The following PUDP variants were observed in gnomAD, a reference collection of about 807,000 sequenced individuals.
The protein encoded by PUDP is pseudouridine 5'-phosphatase, also known as pseudouridine-5'-phosphatase.
A neutral mutation model predicts 9.4 loss-of-function variants in PUDP; 8 were observed. The observed-to-expected ratio is 0.85, with a 90% CI of 0.50 to 1.53. The LOEUF (loss-of-function observed/expected upper bound fraction) is 1.53. PUDP is among the 40% of genes most tolerant of loss of function. The pLI is 0.00. For synonymous variants in PUDP, 99 were observed against 80.7 expected, an observed-to-expected ratio of 1.23 and a Z score of -1.22; for missense variants, 188 against 189.7, an observed-to-expected ratio of 0.99 and a Z score of 0.05.
At chrX:6,860,617 G>A (rs1926986033) in intron 3 of PUDP, among the ~76,000 whole-genome samples, 1 of 110,863 alleles carries the variant, frequency 9.0e-6, no homozygotes, top group South Asian at 3.8e-4. Context: ...GATTACAGGC[G>A]TGTGCCACCA....
At chrX:6,952,817 C>A (rs1207147145) in intron 3 of PUDP, among the ~76,000 whole-genome samples, 1 of 111,864 alleles carries the variant, frequency 8.9e-6, no homozygotes, top group East Asian at 2.8e-4. Context: ...CTTCACCAGA[C>A]ACAGACTCTG....
At chrX:6,896,925 G>T (rs1032183893) in intron 3 of PUDP, among the ~76,000 whole-genome samples, 3 of 111,563 alleles carry the variant, frequency 2.7e-5, no homozygotes, top group Non-Finnish European at 5.6e-5. Flanking sequence ...TCCATTGTTT[G>T]GGAGTTTCTG....
At chrX:6,956,169 C>A (rs1004191930) in intron 3 of PUDP, among the ~76,000 whole-genome samples, 3 of 112,215 alleles carry the variant, frequency 2.7e-5, no homozygotes, top group Admixed American at 9.4e-5. Context: ...CCTGCCTCAG[C>A]CTCCCAAGTA....
chrX:6,846,828 T>A (rs1926756455), intron 3 of PUDP, among the ~76,000 whole-genome samples: 1 of 111,021 alleles, frequency 9.0e-6, no homozygotes, highest in Non-Finnish European at 1.9e-5. Flanking sequence ...GGAAAGGGAG[T>A]CTATAGACAG....
intron 3 of PUDP, among the ~76,000 whole-genome samples, chrX:6,728,924 T>G (rs1357611476): frequency 1.8e-5 from 2 of 111,199 alleles, no homozygotes; most frequent in Non-Finnish European, 3.8e-5. Context: ...TTCCTTGCTT[T>G]TTATGACCAT....
At chrX:6,966,103 T>C (rs1928780350) in intron 3 of PUDP, among the ~76,000 whole-genome samples, 1 of 111,380 alleles carries the variant, frequency 9.0e-6, no homozygotes, top group African/African-American at 3.3e-5. Flanking sequence ...AATCTGATAA[T>C]CCTAGAGGCT....
chrX:7,039,028 C>T (rs1161022514), intron 1 of PUDP, among the ~76,000 whole-genome samples: 1 of 111,321 alleles, frequency 9.0e-6, no homozygotes. Flanking sequence ...CTCCTGGGCT[C>T]AAGTGATGCT....
At chrX:7,032,371 G>A (rs1284115157) in intron 1 of PUDP, among the ~76,000 whole-genome samples, 1 of 111,617 alleles carries the variant, frequency 9.0e-6, no homozygotes, top group Non-Finnish European at 1.9e-5. Context: ...ATACACCAAA[G>A]AGATATGAAA....
intron 3 of PUDP, among the ~76,000 whole-genome samples, chrX:6,842,168 T>C (rs1380611558): frequency 8.9e-6 from 1 of 112,108 alleles, no homozygotes; most frequent in African/African-American, 3.2e-5. Context: ...AGCTGATAAA[T>C]GAGATTTTCA....
chrX:7,012,647 G>A (rs868334109), intron 1 of PUDP, among the ~76,000 whole-genome samples: 12 of 110,876 alleles, frequency 1.1e-4, no homozygotes, highest in East Asian at 5.7e-4. Flanking sequence ...ATCAGTGAGC[G>A]GACTATGGGT....
intron 1 of PUDP, among the ~76,000 whole-genome samples, chrX:7,123,962 G>GC (rs1364122156): frequency 1.8e-5 from 2 of 112,157 alleles, no homozygotes; most frequent in Non-Finnish European, 3.8e-5. Context: ...AGATTTCAAT[G>GC]CCACACTTGA....
intron 3 of PUDP, among the ~76,000 whole-genome samples, chrX:6,905,743 G>C (rs974295837): frequency 9.0e-6 from 1 of 111,277 alleles, no homozygotes; most frequent in East Asian, 2.8e-4. Context: ...CAGAGACTTC[G>C]GTGTACAAAA....
chrX:6,787,601 G>A (rs1014505921), intron 3 of PUDP, among the ~76,000 whole-genome samples: 1 of 112,137 alleles, frequency 8.9e-6, no homozygotes, highest in Non-Finnish European at 1.9e-5. Flanking sequence ...GCAACTGTAG[G>A]TAATTATCTT....
intron 1 of PUDP, among the ~76,000 whole-genome samples, chrX:7,040,229 C>T: frequency 9.0e-6 from 1 of 111,534 alleles, no homozygotes. Flanking sequence ...ATTCTGCTTC[C>T]CCTGGAAAGC....
At chrX:6,791,192 CA>C (rs1203019331) in intron 3 of PUDP, among the ~76,000 whole-genome samples, 1 of 107,156 alleles carries the variant, frequency 9.3e-6, no homozygotes, top group Non-Finnish European at 1.9e-5. Flanking sequence ...CCTGTATCTA[CA>C]AAAAACAAAA....
At chrX:7,023,500 G>T (rs1435696396) in intron 1 of PUDP, among the ~76,000 whole-genome samples, 1 of 112,300 alleles carries the variant, frequency 8.9e-6, no homozygotes, top group Non-Finnish European at 1.9e-5. Context: ...GATCTATCTT[G>T]AGTAACATTA....
intron 3 of PUDP, among the ~76,000 whole-genome samples, chrX:6,759,780 T>C (rs900578536): frequency 1.8e-5 from 2 of 112,067 alleles, no homozygotes. Context: ...CATACTCTCA[T>C]GAATTCTGTT....
chrX:6,996,548 T>C (rs1913790558), intron 1 of PUDP, among the ~76,000 whole-genome samples: 1 of 93,756 alleles, frequency 1.1e-5, no homozygotes, highest in African/African-American at 3.7e-5. Flanking sequence ...TCAATTTCCA[T>C]TTTTTCCTCA....
chrX:6,973,632 G>A (rs1240237497), intron 3 of PUDP, among the ~76,000 whole-genome samples: 1 of 111,719 alleles, frequency 9.0e-6, no homozygotes, highest in Non-Finnish European at 1.9e-5. Context: ...CAATTATGTG[G>A]TCAATTTTAG....
Sources: allele counts gnomAD v4.1 joint callset (sites outside exome capture counted in the v4.1 genomes callset), GRCh38; gene constraint gnomAD v4.1.1; transcripts MANE v1.5; gene names NCBI Gene and HGNC (gene_info 2026-07-23, HGNC 2026-07-21).